The following VAC14 variants were observed in gnomAD, a reference collection of about 807,000 sequenced individuals.
VAC14 encodes the protein protein VAC14 homolog.
In VAC14, 47 loss-of-function variants were observed where a neutral mutation model predicts 85.3. That is an observed-to-expected ratio of 0.55 (90% confidence interval 0.44 to 0.70). The LOEUF (loss-of-function observed/expected upper bound fraction) is 0.70. VAC14 is among the 30% of genes least tolerant of loss of function. VAC14 has a pLI of 0.00. For synonymous variants in VAC14, 447 were observed against 430.5 expected, an observed-to-expected ratio of 1.04 and a Z score of -0.47; for missense variants, 861 against 1,004.3, an observed-to-expected ratio of 0.86 and a Z score of 1.93.
intron 14 of VAC14, among the ~76,000 whole-genome samples, chr16:70,717,816 A>G (rs1402749930): frequency 1.3e-5 from 2 of 151,920 alleles, no homozygotes; most frequent in Non-Finnish European, 2.9e-5. Context: ...TCAGTTAATT[A>G]TATTTCTCTT....
At chr16:70,731,664 TTA>T in intron 13 of VAC14, 37 bp from the exon 14 acceptor site, 1 of 1,608,042 alleles carries the variant, frequency 6.2e-7, no homozygotes, top group Non-Finnish European at 8.5e-7. Context: ...TTTATTCTGA[TTA>T]TGTGTCCACA....
chr16:70,689,876 G>C, intron 18 of VAC14: 1 of 985,498 alleles, frequency 1.0e-6, no homozygotes, highest in South Asian at 4.7e-5. Flanking sequence ...GACTTCTAAG[G>C]AGGCCAAGGG....
In VAC14 at chr16:70,697,227, G is replaced by A. The variant is rs1309543103; in HGVS notation, c.1867C>T (p.Arg623Cys). The change falls in exon 16 of 19, where the codon CGC (arginine) becomes TGC (cysteine). Residue 623 changes from arginine (R) to cysteine (C), a missense_variant. Transcript: ENST00000261776. ...ESQNLFCCLY[R>C]SWCHNPVTTV... ...GTGACTGGGTTGTGGCACCAGGAGC[G>A]GTACAGGCAGCAGAACAGGTTCTGG... 5.0e-6 allele frequency: 8 copies of A among 1,613,858 alleles called. No homozygotes were observed. The highest frequency in any genetic ancestry group is 1.3e-5 in the African/African-American group (1 of 74,948).
chr16:70,758,516 C>T (rs1206687418), intron 12 of VAC14, among the ~76,000 whole-genome samples: 2 of 152,210 alleles, frequency 1.3e-5, no homozygotes, highest in Non-Finnish European at 2.9e-5. Flanking sequence ...GGCTGGGAGG[C>T]AGCTGTGCCT....
intron 12 of VAC14, among the ~76,000 whole-genome samples, chr16:70,759,943 A>G (rs1454362009): frequency 6.6e-6 from 1 of 152,146 alleles, no homozygotes; most frequent in East Asian, 1.9e-4. Context: ...TGACCTCCTC[A>G]GGCCATAGTT....
intron 9 of VAC14, among the ~76,000 whole-genome samples, chr16:70,773,841 T>C (rs987540913): frequency 1.3e-5 from 2 of 152,072 alleles, no homozygotes; most frequent in Non-Finnish European, 2.9e-5. Flanking sequence ...CTTGGCTCAC[T>C]GCAATCTTCG....
At chr16:70,696,673 C>T (rs546539418) in intron 16 of VAC14, among the ~76,000 whole-genome samples, 43 of 152,336 alleles carry the variant, frequency 2.8e-4, no homozygotes, top group Non-Finnish European at 4.7e-4. Context: ...AAGGCCCACG[C>T]CTGGGCTGAA....
At chr16:70,727,918 T>TGGGCCA (rs1364206194) in intron 14 of VAC14, among the ~76,000 whole-genome samples, 2 of 152,214 alleles carry the variant, frequency 1.3e-5, no homozygotes, top group Admixed American at 6.5e-5. Context: ...CCGAACCAGC[T>TGGGCCA]GGGCCAGGTG....
At chr16:70,719,463 T>A (rs1212998393) in intron 14 of VAC14, among the ~76,000 whole-genome samples, 4 of 152,172 alleles carry the variant, frequency 2.6e-5, no homozygotes, top group African/African-American at 9.7e-5. Flanking sequence ...TAGGAGAAGA[T>A]AATGACAGTA....
rs749148121 is a variant in VAC14 at position 70,762,631 on chromosome 16, C to T, written c.1306-26G>A. The T allele has an allele frequency of 6.2e-7, 1 of 1,612,948 alleles. No homozygotes were observed. The highest frequency in any genetic ancestry group is 8.5e-7 in the Non-Finnish European group (1 of 1,179,168). ...CTGGAGGGCAGAGAAGCAGGGGTGC[C>T]CGTGAGTGCTCCCTTCGCCCCGGGA... On this transcript the variant is annotated intron_variant, in intron 11 of 18. Coordinates refer to ENST00000261776, the MANE Select transcript of VAC14 (RefSeq NM_018052.5). This position sits in a 1 kb window ranked among gnomAD's most constrained non-coding sequence, Gnocchi z 4.1.
chr16:70,782,043 G>T lies in VAC14; in HGVS notation c.812-40C>A, dbSNP rs751022528. ...AGGGGGTTCAGAGGGGCCAGCACACGCAGCCCGAGTGCTCCCTCCCATTGA... is the reference window on the plus strand; with the variant it reads ...AGGGGGTTCAGAGGGGCCAGCACACTCAGCCCGAGTGCTCCCTCCCATTGA... On this transcript the variant is annotated intron_variant, in intron 7 of 18. Transcript: ENST00000261776. 8 of 1,603,062 alleles carry T rather than the reference G, an allele frequency of 5.0e-6. No homozygotes were observed. In the African/African-American group the frequency reaches 1.1e-4, roughly 21 times the overall value.
chr16:70,727,879 G>A (rs570226169), intron 14 of VAC14, among the ~76,000 whole-genome samples: 2 of 152,352 alleles, frequency 1.3e-5, no homozygotes, highest in East Asian at 3.9e-4. Context: ...ACAATGGCTT[G>A]GTGTGCTGGC....
intron 6 of VAC14, 66 bp from the exon 7 acceptor site, chr16:70,783,205 G>A: frequency 1.3e-6 from 2 of 1,533,282 alleles, no homozygotes; most frequent in Non-Finnish European, 1.8e-6. Context: ...CCTCAAACCA[G>A]CCCCATTTCC....
intron 12 of VAC14, among the ~76,000 whole-genome samples, chr16:70,750,113 C>T (rs940072406): frequency 2.0e-5 from 3 of 152,150 alleles, no homozygotes; most frequent in African/African-American, 7.2e-5. Context: ...ACTGTGAGCC[C>T]CTCTCAAGGC....
In VAC14 at chr16:70,761,914, A is replaced by G. The variant is rs954701182; in HGVS notation, c.1371+626T>C. ...GATCATTTCCCTCTCACATCCCCCT[A>G]TGGTTACTGCCCTCATTGAACAGAG... On this transcript the variant is annotated intron_variant, in intron 12 of 18. Coordinates refer to ENST00000261776, the MANE Select transcript of VAC14 (RefSeq NM_018052.5). Among the ~76,000 whole-genome samples the G allele has an allele frequency of 4.6e-5, 7 of 152,012 alleles. No individual in the cohort carries two copies. In the South Asian group the frequency reaches 1.5e-3, roughly 32 times the overall value.
chr16:70,792,688 G>C (rs1385100016), intron 1 of VAC14, among the ~76,000 whole-genome samples: 1 of 152,218 alleles, frequency 6.6e-6, no homozygotes, highest in East Asian at 1.9e-4. Context: ...CATGGACACT[G>C]CAAGACACAT....
chr16:70,722,635 G>A (rs902659757), intron 14 of VAC14, among the ~76,000 whole-genome samples: 3 of 152,152 alleles, frequency 2.0e-5, no homozygotes, highest in Non-Finnish European at 4.4e-5. Context: ...CTACAACGAT[G>A]GACAAGACAC....
chr16:70,783,586 C>G (rs2033915673), intron 5 of VAC14, 32 bp from the exon 6 acceptor site: 1 of 1,605,440 alleles, frequency 6.2e-7, no homozygotes, highest in Admixed American at 1.7e-5. Context: ...GAGGGGAAGT[C>G]AGCTCCAGAA....
rs115020085 is a variant in VAC14 at position 70,800,718 on chromosome 16, G to A, written c.104+79C>T. The A allele has an allele frequency of 7.4e-4, 944 of 1,274,330 alleles. 4 individuals carry two copies. The African/African-American group carries it at 0.012, about 17-fold the overall frequency. 78.9% of individuals were successfully genotyped at this position (1,274,330 alleles called of 1,614,324 possible). On this transcript the variant is annotated intron_variant, in intron 1 of 18. Coordinates refer to ENST00000261776, the MANE Select transcript of VAC14 (RefSeq NM_018052.5). Reference sequence around the variant, plus strand: ...AAAACCTGGGAAAGTAACCCTGGCTGGGAAGGCGTGAGAAGTCCCCCTGGG... The same window carrying A: ...AAAACCTGGGAAAGTAACCCTGGCTAGGAAGGCGTGAGAAGTCCCCCTGGG...
Sources: gnomAD v4.1 joint callset for allele counts (sites outside exome capture counted in the v4.1 genomes callset) on GRCh38, gnomAD v4.1.1 for gene constraint, Gnocchi (gnomAD v3.1) non-coding constraint, MANE v1.5 for transcripts, NCBI Gene and HGNC (gene_info 2026-07-23, HGNC 2026-07-21) for gene names.